CALD1: variants seen among roughly 807,000 people sequenced by gnomAD.
CALD1 encodes the protein caldesmon.
In CALD1, 33 loss-of-function variants were observed where a neutral mutation model predicts 99.9. That is an observed-to-expected ratio of 0.33 (90% CI 0.25 to 0.44). The LOEUF is 0.44. CALD1 is among the 20% of genes least tolerant of loss of function. The pLI, the probability that CALD1 is intolerant of heterozygous loss-of-function variation, is 1.00. For missense variants in CALD1, 861 were observed against 962.1 expected, an observed-to-expected ratio of 0.89 and a Z score of 1.39; for synonymous variants, 310 against 325.0, an observed-to-expected ratio of 0.95 and a Z score of 0.50.
At chr7:134,766,027 C>A (rs1458991034) in intron 1 of CALD1, among the ~76,000 whole-genome samples, 2 of 151,920 alleles carry the variant, frequency 1.3e-5, no homozygotes, top group East Asian at 3.9e-4. Flanking sequence ...TCCTGCTTTG[C>A]CTTCCATCGT....
chr7:134,925,547 A>T (rs1356466419), intron 3 of CALD1, among the ~76,000 whole-genome samples: 1 of 152,160 alleles, frequency 6.6e-6, no homozygotes, highest in Non-Finnish European at 1.5e-5. Context: ...ACTTACAATC[A>T]TGGAGGAAGG....
rs1267087869 is a variant in CALD1 at position 134,774,201 on chromosome 7, C to T, written c.-130+29838C>T. 3.3e-5 allele frequency among the ~76,000 whole-genome samples: 5 copies of T among 151,910 alleles called. No individual in the cohort carries two copies. The East Asian group carries it at 9.7e-4, about 29-fold the overall frequency. ...AAAAAAAGAGTGAGGTACTAAGTAGCCAATTGGAAGTTGCTGCAAATGGGT... is the reference window on the plus strand; with the variant it reads ...AAAAAAAGAGTGAGGTACTAAGTAGTCAATTGGAAGTTGCTGCAAATGGGT... On this transcript the variant is annotated intron_variant, in intron 1 of 13. Coordinates refer to the CALD1 transcript ENST00000417172.
chr7:134,763,783 TGGCA>T (rs565985330), intron 1 of CALD1, among the ~76,000 whole-genome samples: 120 of 152,108 alleles, frequency 7.9e-4, no homozygotes, highest in African/African-American at 2.7e-3. Flanking sequence ...CTGGATGTGG[TGGCA>T]GGCACCTGTA....
intron 3 of CALD1, among the ~76,000 whole-genome samples, chr7:134,916,166 G>C (rs1706479584): frequency 6.6e-6 from 1 of 152,172 alleles, no homozygotes; most frequent in African/African-American, 2.4e-5. Context: ...TGAGCCAACT[G>C]GATGTTAGAT....
chr7:134,969,669 C>T lies in CALD1; in HGVS notation c.*1324C>T, dbSNP rs1808915880. ...GTCATTGATACCTGTAGTAAGTTGA[C>T]AATGTGGTGAAATTTCAAAATTATA... On this transcript the variant is annotated 3_prime_UTR_variant, in exon 15 of 15. Coordinates refer to ENST00000361675, the MANE Select transcript of CALD1 (RefSeq NM_033138.4). The T allele has an allele frequency of 6.6e-6, 1 of 152,194 alleles. No homozygotes were observed. The highest frequency in any genetic ancestry group is 2.1e-4 in the South Asian group (1 of 4,832). 9.4% of individuals were successfully genotyped at this position (152,194 alleles called of 1,614,324 possible). A position where few individuals can be genotyped will look rare whatever the true frequency, so the allele number is the denominator to read the frequency against.
At chr7:134,735,267 A>C in the CALD1 span, 2 of 152,216 alleles carry the variant, frequency 1.3e-5, no homozygotes, top group African/African-American at 4.8e-5. Flanking sequence ...AAGTGCCTTG[A>C]TATTGATGTA....
chr7:134,807,964 TC>T (rs1798211010), intron 1 of CALD1, among the ~76,000 whole-genome samples: 1 of 152,036 alleles, frequency 6.6e-6, no homozygotes, highest in Admixed American at 6.6e-5. Flanking sequence ...CACCATTTCC[TC>T]CCAGATAACC....
intron 3 of CALD1, among the ~76,000 whole-genome samples, chr7:134,922,487 C>T (rs1202893643): frequency 1.3e-5 from 2 of 152,146 alleles, no homozygotes; most frequent in Admixed American, 6.5e-5. Context: ...CTTTAAACTA[C>T]GGGGAACACG....
chr7:134,872,475 C>T (rs1801144244), intron 3 of CALD1, among the ~76,000 whole-genome samples: 1 of 150,754 alleles, frequency 6.6e-6, no homozygotes, highest in South Asian at 2.1e-4. Context: ...ACTCTGAGTT[C>T]TTGAGATAAG....
At chr7:134,777,189 T>C (rs1302510670), upstream of CALD1, among the ~76,000 whole-genome samples, 1 of 152,154 alleles carries the variant, frequency 6.6e-6, no homozygotes, top group Non-Finnish European at 1.5e-5. Context: ...TCTTGATTGT[T>C]TAAAAAAAGT....
intron 3 of CALD1, among the ~76,000 whole-genome samples, chr7:134,886,551 T>C (rs892949453): frequency 6.6e-6 from 1 of 152,254 alleles, no homozygotes; most frequent in Admixed American, 6.5e-5. Flanking sequence ...GCTTTTATTA[T>C]GTCCAATTTT....
intron 1 of CALD1, among the ~76,000 whole-genome samples, chr7:134,814,156 G>A (rs1282527362): frequency 1.3e-5 from 2 of 152,178 alleles, no homozygotes; most frequent in Non-Finnish European, 2.9e-5. Flanking sequence ...TGTGGAGCAA[G>A]GAGACAATTG....
At chr7:134,947,360 A>G (rs1584644832) in intron 7 of CALD1, 148 bp from the exon 8 acceptor site, 7 of 756,606 alleles carry the variant, frequency 9.3e-6, no homozygotes, top group East Asian at 8.1e-5. Context: ...GATTCCGGGC[A>G]GACCCCTTCC....
intron 13 of CALD1, among the ~76,000 whole-genome samples, chr7:134,963,861 G>A (rs1448742268): frequency 3.3e-5 from 5 of 152,090 alleles, no homozygotes; most frequent in Non-Finnish European, 7.4e-5. Flanking sequence ...CTTGCCCCTC[G>A]GGAGACACAT....
At chr7:134,818,811 C>G (rs1798658507) in intron 1 of CALD1, among the ~76,000 whole-genome samples, 1 of 152,128 alleles carries the variant, frequency 6.6e-6, no homozygotes, top group Admixed American at 6.5e-5. Context: ...GGCAGCTGGA[C>G]ATGATGTGAA....
the CALD1 span, among the ~76,000 whole-genome samples, chr7:134,738,838 C>T: frequency 6.6e-6 from 1 of 152,204 alleles, no homozygotes; most frequent in Non-Finnish European, 1.5e-5. Flanking sequence ...CAAAAGGAGT[C>T]TAAGAGAATA....
intron 1 of CALD1, among the ~76,000 whole-genome samples, chr7:134,822,219 A>T (rs528660725): frequency 6.0e-4 from 92 of 152,284 alleles, no homozygotes; most frequent in African/African-American, 2.1e-3. Context: ...ATTGAAGAGA[A>T]ATCAGACATT....
At chr7:134,742,512 G>A (rs1468968676), upstream of CALD1, among the ~76,000 whole-genome samples, 1 of 152,158 alleles carries the variant, frequency 6.6e-6, no homozygotes, top group Non-Finnish European at 1.5e-5. Flanking sequence ...TGAAGCCTGG[G>A]AGCAGTAGAG....
chr7:134,853,464 T>G (rs1800163305), intron 2 of CALD1, among the ~76,000 whole-genome samples: 1 of 152,208 alleles, frequency 6.6e-6, no homozygotes, highest in Non-Finnish European at 1.5e-5. Flanking sequence ...CACCCAGATC[T>G]TATTCTAACA....
Sources: gnomAD v4.1 joint callset for allele counts (sites outside exome capture counted in the v4.1 genomes callset) on GRCh38, gnomAD v4.1.1 for gene constraint, MANE v1.5 for transcripts, NCBI Gene and HGNC (gene_info 2026-07-23, HGNC 2026-07-21) for gene names.